Variants in MBP observed in about 807,000 individuals in gnomAD.
MBP encodes Golli-MBP.
A neutral mutation model predicts 35.8 loss-of-function variants in MBP; 16 were observed. The observed-to-expected ratio is 0.45, with a 90% CI of 0.30 to 0.68. The LOEUF (loss-of-function observed/expected upper bound fraction) is 0.68, where lower values mean the gene tolerates loss of function less well. MBP is among the 30% of genes least tolerant of loss of function. The pLI, the probability that MBP is intolerant of heterozygous loss-of-function variation, is 0.08. For synonymous variants in MBP, 143 were observed against 159.6 expected, an observed-to-expected ratio of 0.90 and a Z score of 0.78; for missense variants, 380 against 404.7, an observed-to-expected ratio of 0.94 and a Z score of 0.52.
chr18:77,080,164 T>A (rs1974833329), intron 2 of MBP, among the ~76,000 whole-genome samples: 1 of 152,238 alleles, frequency 6.6e-6, no homozygotes, highest in Non-Finnish European at 1.5e-5. Flanking sequence ...TAAAAAAAAA[T>A]CATAGTTTTA....
At chr18:77,036,251 G>T (rs1208776561) in intron 3 of MBP, among the ~76,000 whole-genome samples, 1 of 126,238 alleles carries the variant, frequency 7.9e-6, no homozygotes, top group Non-Finnish European at 1.7e-5. Flanking sequence ...CTGAGCAAGT[G>T]CTGGTCACAT....
At chr18:76,987,590 T>C in intron 7 of MBP, 3 of 984,982 alleles carry the variant, frequency 3.0e-6, no homozygotes, top group Non-Finnish European at 3.6e-6. Context: ...TTTTAAAATG[T>C]ATTCATTCAT....
At chr18:77,043,395 T>C (rs1973093023) in intron 3 of MBP, among the ~76,000 whole-genome samples, 1 of 152,158 alleles carries the variant, frequency 6.6e-6, no homozygotes, top group South Asian at 2.1e-4. Flanking sequence ...CACTGTAACA[T>C]TTTTCTGTTT....
rs200121847 is a variant in MBP, at chr18:77,018,865, T to TATCCATCC, written c.140-1605_140-1598dup. On this transcript the variant is annotated intron_variant, in intron 3 of 8. Transcript: ENST00000355994. ...CCATCCATCCATCCACTCATCCATC[T>TATCCATCC]ATCCATCCATCCATCCATCCATCCA... is the stretch of plus-strand genomic sequence containing the variant. Among the ~76,000 whole-genome samples the TATCCATCC allele has an allele frequency of 1.0e-3, 129 of 125,210 alleles. 2 individuals carry two copies. The highest frequency in any genetic ancestry group is 1.5e-3 in the Non-Finnish European group (89 of 60,682). 82.1% of individuals were successfully genotyped at this position (125,210 alleles called of 152,430 possible).
chr18:76,986,007 C>G (rs1249693311), intron 7 of MBP: 1 of 985,450 alleles, frequency 1.0e-6, no homozygotes, highest in Non-Finnish European at 1.2e-6. Flanking sequence ...GTGCTGTCTT[C>G]TCGAGTGGGA....
chr18:77,085,521 G>A (rs1297099066), intron 2 of MBP, among the ~76,000 whole-genome samples: 2 of 148,186 alleles, frequency 1.3e-5, no homozygotes, highest in East Asian at 1.9e-4. Context: ...GCTCATGACA[G>A]TATCTGGTGC....
intron 3 of MBP, among the ~76,000 whole-genome samples, chr18:77,052,782 C>A (rs1228086488): frequency 6.6e-6 from 1 of 152,120 alleles, no homozygotes; most frequent in Non-Finnish European, 1.5e-5. Flanking sequence ...TGGGAAGTAC[C>A]CTGCCAGCCC....
intron 2 of MBP, among the ~76,000 whole-genome samples, chr18:77,078,539 T>C (rs759624720): frequency 2.6e-5 from 4 of 152,276 alleles, no homozygotes; most frequent in Non-Finnish European, 5.9e-5. Context: ...AGTTGTTTAC[T>C]GCTCTCACTA....
At chr18:77,095,117 G>C (rs1488269761) in intron 2 of MBP, among the ~76,000 whole-genome samples, 1 of 152,180 alleles carries the variant, frequency 6.6e-6, no homozygotes, top group Non-Finnish European at 1.5e-5. Context: ...CTAGAGGTTT[G>C]TCATGTGGGA....
At chr18:77,129,974 A>C (rs1977184823) in intron 1 of MBP, among the ~76,000 whole-genome samples, 1 of 151,072 alleles carries the variant, frequency 6.6e-6, no homozygotes, top group African/African-American at 2.4e-5. Flanking sequence ...TTTTGGATCC[A>C]GAAGGTGGAG....
intron 4 of MBP, among the ~76,000 whole-genome samples, chr18:77,002,505 C>T (rs986984250): frequency 1.3e-5 from 2 of 152,160 alleles, no homozygotes; most frequent in African/African-American, 4.8e-5. Flanking sequence ...ACATGTTTTC[C>T]CTGTGTCCCC....
intron 7 of MBP, chr18:76,985,729 G>T: frequency 9.9e-7 from 1 of 1,006,906 alleles, no homozygotes; most frequent in South Asian, 4.1e-5. Context: ...CCTTGGGCAA[G>T]GGCAGGAACC....
At chr18:76,997,520 T>C (rs1003493028) in intron 4 of MBP, among the ~76,000 whole-genome samples, 5 of 152,238 alleles carry the variant, frequency 3.3e-5, no homozygotes, top group Non-Finnish European at 7.3e-5. Flanking sequence ...AGCTTTTATA[T>C]TGGTTGTTTC....
chr18:77,085,766 C>A (rs1210133012), intron 2 of MBP, among the ~76,000 whole-genome samples: 1 of 150,286 alleles, frequency 6.7e-6, no homozygotes, highest in African/African-American at 2.5e-5. Flanking sequence ...CTCACCGCAA[C>A]CTCCACCTCC....
chr18:77,033,598 T>C (rs182677350), intron 3 of MBP, among the ~76,000 whole-genome samples: 10 of 152,122 alleles, frequency 6.6e-5, no homozygotes, highest in African/African-American at 2.4e-4. Context: ...CATCCATCCA[T>C]CCATGCATTC....
At chr18:77,015,734 A>G in intron 4 of MBP, 1 of 985,466 alleles carries the variant, frequency 1.0e-6, no homozygotes, top group Non-Finnish European at 1.2e-6. Flanking sequence ...CATGATCAAT[A>G]AAGAATTGCA....
rs896038 is a variant in MBP at position 77,101,648 on chromosome 18, A to G, written c.51+3563T>C. On this transcript the variant is annotated intron_variant, in intron 2 of 8. Transcript: ENST00000355994. The surrounding 1 kb of genome is among the most constrained non-coding windows in gnomAD (Gnocchi z 4.3). ...ATGAGTGGACTAACACTGCAACTCC[A>G]GAAAAGTGTCTTTTTTTCACCAATC... 0.9 allele frequency among the ~76,000 whole-genome samples: 136,803 copies of G among 152,198 alleles called. 63,243 individuals are homozygous for G. Among genetic ancestry groups the G allele is most frequent in the East Asian group, 1 (5,170 of 5,170 alleles).
rs113554306 is a variant in MBP, at chr18:77,131,034, A to C, written c.-26+1546T>G. The stretch of plus-strand genomic sequence containing the variant: ...ATTTCTGTTTTTCCCACAAAAAAAA[A>C]AAAAAAACAAAACCTCAAAAAACAA... On this transcript the variant is annotated intron_variant, in intron 1 of 8. Coordinates refer to ENST00000355994, the MANE Select transcript of MBP (RefSeq NM_001025101.2). This position sits in a 1 kb window ranked among gnomAD's most constrained non-coding sequence, Gnocchi z 5.5. Among the ~76,000 whole-genome samples, 38,042 of 149,226 alleles carry C rather than the reference A, an allele frequency of 0.25. 5,225 individuals are homozygous for C. The highest frequency in any genetic ancestry group is 0.36 in the Middle Eastern group (106 of 294).
rs530515476 is a variant in MBP, at chr18:77,045,274, C to G, written c.139+21024G>C. Among the ~76,000 whole-genome samples, 46 of 150,318 alleles carry G rather than the reference C, an allele frequency of 3.1e-4. No individual in the cohort carries two copies. In the Middle Eastern group the frequency reaches 0.021, roughly 68 times the overall value. On this transcript the variant is annotated intron_variant, in intron 3 of 8. Coordinates refer to ENST00000355994, the MANE Select transcript of MBP (RefSeq NM_001025101.2). ...GTTAATGCACAACTGGGTGTTAAAC[C>G]AACTGACCTGCTGCCGGCAGCACCT...
Sources: allele counts gnomAD v4.1 joint callset (sites outside exome capture counted in the v4.1 genomes callset), GRCh38; gene constraint gnomAD v4.1.1; non-coding constraint Gnocchi (gnomAD v3.1); transcripts MANE v1.5; gene names NCBI Gene and HGNC (gene_info 2026-07-23, HGNC 2026-07-21).